Variants in ZNRF3 observed in about 807,000 individuals in gnomAD.
ZNRF3 encodes the protein zinc and ring finger 3.
A neutral mutation model predicts 72.5 loss-of-function variants in ZNRF3; 23 were observed. The observed-to-expected ratio is 0.32, with a 90% CI of 0.23 to 0.45. The LOEUF is 0.45. ZNRF3 is among the 20% of genes least tolerant of loss of function. The probability of loss-of-function intolerance (pLI) is 1.00; values close to 1 mark genes in which losing one functional copy is unlikely to be tolerated. For missense variants in ZNRF3, 1,169 were observed against 1,272.1 expected (o/e 0.92, Z 1.23); for synonymous variants, 610 against 545.3 (o/e 1.12, Z -1.65).
intron 1 of ZNRF3, among the ~76,000 whole-genome samples, chr22:28,898,317 G>T (rs2034038099): frequency 6.6e-6 from 1 of 152,166 alleles, no homozygotes; most frequent in African/African-American, 2.4e-5. Flanking sequence ...TTCAGACATG[G>T]TGTGTCCTGA....
intron 1 of ZNRF3, among the ~76,000 whole-genome samples, chr22:28,967,450 G>A (rs1425404868): frequency 1.3e-5 from 2 of 152,312 alleles, no homozygotes; most frequent in East Asian, 1.9e-4. Context: ...GAGGTGACAC[G>A]TAACTGTATT....
chr22:28,930,070 G>T (rs1296294525), intron 1 of ZNRF3, among the ~76,000 whole-genome samples: 7 of 152,062 alleles, frequency 4.6e-5, no homozygotes, highest in Non-Finnish European at 8.8e-5. Flanking sequence ...ATAAACACTT[G>T]TAAAGCTATC....
intron 2 of ZNRF3, among the ~76,000 whole-genome samples, chr22:29,029,373 ATCT>A (rs767821370): frequency 3.9e-5 from 6 of 152,212 alleles, no homozygotes; most frequent in Non-Finnish European, 7.3e-5. Context: ...AATCAAAATA[ATCT>A]TCTGCCTTCT....
At chr22:28,985,902 G>A (rs1569271123) in intron 1 of ZNRF3, among the ~76,000 whole-genome samples, 1 of 152,194 alleles carries the variant, frequency 6.6e-6, no homozygotes, top group African/African-American at 2.4e-5. Flanking sequence ...CTGGAAGCTT[G>A]AGGGGAGAAT....
At chr22:28,887,369 G>C (rs1297226056) in intron 1 of ZNRF3, among the ~76,000 whole-genome samples, 1 of 151,920 alleles carries the variant, frequency 6.6e-6, no homozygotes, top group Non-Finnish European at 1.5e-5. Context: ...GGTTAGGGTA[G>C]GGGAAGCCTA....
At chr22:28,970,179 A>G (rs1382557049) in intron 1 of ZNRF3, among the ~76,000 whole-genome samples, 2 of 152,226 alleles carry the variant, frequency 1.3e-5, no homozygotes, top group Non-Finnish European at 2.9e-5. Flanking sequence ...AAATTCAATA[A>G]GTACACAACC....
intron 3 of ZNRF3, among the ~76,000 whole-genome samples, 167 bp downstream of exon 3, chr22:29,042,736 G>A (rs1485886851): frequency 6.6e-6 from 1 of 151,672 alleles, no homozygotes; most frequent in East Asian, 1.9e-4. Flanking sequence ...GGTATACTGG[G>A]CGAGGTTAAG....
intron 1 of ZNRF3, among the ~76,000 whole-genome samples, chr22:28,885,590 T>TAAAAAA (rs34201242): frequency 1.9e-5 from 2 of 102,748 alleles, no homozygotes; most frequent in Admixed American, 1.1e-4. Context: ...TACAGCCTTC[T>TAAAAAA]AAAAAAAAAA....
At chr22:29,031,749 G>A in intron 2 of ZNRF3, 15 of 461,860 alleles carry the variant, frequency 3.2e-5, no homozygotes, top group South Asian at 9.1e-5. Flanking sequence ...GGCGTCAGGC[G>A]TGGCCAGTCC....
chr22:28,984,293 T>C (rs1257557782), intron 1 of ZNRF3, among the ~76,000 whole-genome samples: 2 of 152,186 alleles, frequency 1.3e-5, no homozygotes, highest in African/African-American at 2.4e-5. Flanking sequence ...CCTGTACCCA[T>C]TGAACAGTCA....
At chr22:28,993,703 G>A (rs1987700952) in intron 2 of ZNRF3, among the ~76,000 whole-genome samples, 1 of 152,190 alleles carries the variant, frequency 6.6e-6, no homozygotes, top group African/African-American at 2.4e-5. Flanking sequence ...CCTTTTCTGA[G>A]ACAGGGTCTT....
At chr22:29,017,120 T>C (rs778190837) in intron 2 of ZNRF3, among the ~76,000 whole-genome samples, 1 of 152,176 alleles carries the variant, frequency 6.6e-6, no homozygotes, top group African/African-American at 2.4e-5. Flanking sequence ...AAGCCAAAAA[T>C]GCATTAGCCA....
intron 1 of ZNRF3, among the ~76,000 whole-genome samples, chr22:28,895,037 A>G (rs1601531313): frequency 2.0e-5 from 3 of 152,146 alleles, no homozygotes; most frequent in South Asian, 4.1e-4. Context: ...CCATTTACAG[A>G]TGCCTGGCCC....
Position 29,050,638 on chromosome 22 carries a change from C to G in ZNRF3, c.2457C>G (p.Tyr819Ter). Reference protein sequence around the residue: ...TLTEEPPPGCYPGARDLSQRI... With the variant: ...TLTEEPPPGC ...CCGAGGAACCACCGCCCGGCTGCTA[C>G]CCCGGGGCCCGGGACCTGAGCCAGC... is the stretch of plus-strand genomic sequence containing the variant. Residue 819 changes from tyrosine to a stop codon, truncating the protein, a stop_gained, in exon 8 of 9, where the codon TAC (tyrosine) becomes TAG (stop). Coordinates refer to ENST00000544604, the MANE Select transcript of ZNRF3 (RefSeq NM_001206998.2). LOFTEE classifies it high-confidence loss of function. 6.2e-7 allele frequency: 1 copy of G among 1,611,712 alleles called. No individual in the cohort carries two copies.
intron 1 of ZNRF3, among the ~76,000 whole-genome samples, chr22:28,918,051 G>A (rs779515281): frequency 4.6e-5 from 7 of 152,224 alleles, no homozygotes; most frequent in East Asian, 1.9e-4. Flanking sequence ...AGCTGTTTGC[G>A]TGCTTAGAGG....
rs1352631605 is a variant in ZNRF3 at position 29,050,601 on chromosome 22, A to C, written c.2420A>C (p.Gln807Pro). The C allele has an allele frequency of 6.2e-7, 1 of 1,609,446 alleles. No homozygotes were observed. The highest frequency in any genetic ancestry group is 1.1e-5 in the South Asian group (1 of 90,664). ...ACTGAGGACTACTCGGTGAGTGTGC[A>C]GTACACGCTCACCGAGGAACCACCG... ...CYTEDYSVSV[Q>P]YTLTEEPPPG... is the part of the protein sequence containing the mutation. Residue 807 changes from glutamine (Q) to proline (P), a missense_variant, in exon 8 of 9, where the codon CAG (glutamine) becomes CCG (proline). By Grantham distance (76) the Gln-to-Pro change is moderately conservative. Transcript: ENST00000544604.
At chr22:28,936,907 A>G (rs1685283980) in intron 1 of ZNRF3, among the ~76,000 whole-genome samples, 5 of 152,062 alleles carry the variant, frequency 3.3e-5, no homozygotes. Context: ...GGGATTATAT[A>G]TCTACCTGGA....
Position 28,883,650 on chromosome 22 carries a change from A to AGCC in ZNRF3, c.-100_-98dup, listed in dbSNP as rs957847969. ...GCCGAGCTGAGCCTGCGACCCACAA[A>AGCC]GCCGCCGCCGCCGCCGCCGTGATGG... is the stretch of plus-strand genomic sequence containing the variant. On this transcript the variant is annotated 5_prime_UTR_variant, in exon 1 of 9. Transcript: ENST00000544604. This position sits in a 1 kb window ranked among gnomAD's most constrained non-coding sequence, Gnocchi z 5.5. 98 of 954,620 alleles carry AGCC rather than the reference A, an allele frequency of 1.0e-4. No homozygotes were observed. Among genetic ancestry groups the AGCC allele is most frequent in the Admixed American group, 3.1e-4 (5 of 16,142 alleles). The allele number at this position is 954,620 out of a possible 1,614,324, so 59.1% of individuals were successfully genotyped here.
intron 2 of ZNRF3, among the ~76,000 whole-genome samples, chr22:28,989,543 A>G (rs1346327536): frequency 6.6e-6 from 1 of 152,208 alleles, no homozygotes; most frequent in East Asian, 1.9e-4. Context: ...TCCCTGCAGA[A>G]TTCATGATTT....
Sources: gnomAD v4.1 joint callset for allele counts (sites outside exome capture counted in the v4.1 genomes callset) on GRCh38, gnomAD v4.1.1 for gene constraint, Gnocchi (gnomAD v3.1) non-coding constraint, MANE v1.5 for transcripts, NCBI Gene and HGNC (gene_info 2026-07-23, HGNC 2026-07-21) for gene names.